EFCAB6: variants seen among roughly 807,000 people sequenced by gnomAD.
EFCAB6 encodes the protein EF-hand calcium-binding domain-containing protein 6.
Under a neutral mutation model 169.8 loss-of-function variants are expected in EFCAB6, and 156 were observed. The observed-to-expected ratio is 0.92, with a 90% CI of 0.81 to 1.05. EFCAB6 has a LOEUF of 1.05. Among genes scored for constraint, EFCAB6 ranks in the 50% least tolerant of loss-of-function variants. EFCAB6 has a pLI of 0.00. For synonymous variants in EFCAB6, 698 were observed against 676.4 expected (o/e 1.03, Z -0.50); for missense variants, 1,800 against 1,829.1 (o/e 0.98, Z 0.29).
rs771812363 is a variant in EFCAB6 at position 43,765,340 on chromosome 22, A to C, written c.405T>G (p.Phe135Leu). The change falls in exon 5 of 32, where the codon TTT becomes TTG. Residue 135 changes from phenylalanine (F) to leucine (L), a missense_variant. By Grantham distance (22) the Phe-to-Leu change is conservative. Transcript: ENST00000262726. ...TVPYLAFLSR[F>L]GGIDLYINGI... ...CATTTATATATAGGTCAATTCCACCAAACCTGGACAGAAAGGCAAGGTACG... is the reference window on the plus strand; with the variant it reads ...CATTTATATATAGGTCAATTCCACCCAACCTGGACAGAAAGGCAAGGTACG... The C allele has an allele frequency of 6.2e-7, 1 of 1,612,778 alleles. No individual in the cohort carries two copies. The highest frequency in any genetic ancestry group is 1.3e-5 in the African/African-American group (1 of 74,860).
chr22:43,635,653 C>T (rs1478360856), intron 17 of EFCAB6, among the ~76,000 whole-genome samples: 1 of 152,166 alleles, frequency 6.6e-6, no homozygotes, highest in Non-Finnish European at 1.5e-5. Flanking sequence ...TCATTATGCT[C>T]CCAGTTTACA....
intron 19 of EFCAB6, among the ~76,000 whole-genome samples, chr22:43,630,326 A>G (rs1376732789): frequency 1.3e-5 from 2 of 152,220 alleles, no homozygotes; most frequent in African/African-American, 4.8e-5. Flanking sequence ...ACTAGTTGAT[A>G]AATTCTCTGG....
intron 4 of EFCAB6, among the ~76,000 whole-genome samples, chr22:43,767,191 C>T (rs769300315): frequency 6.6e-6 from 1 of 152,168 alleles, no homozygotes; most frequent in South Asian, 2.1e-4. Context: ...CCTTAAAATG[C>T]CGGCCTCAAA....
chr22:43,606,093 T>C (rs2052899762), intron 22 of EFCAB6, among the ~76,000 whole-genome samples: 1 of 152,184 alleles, frequency 6.6e-6, no homozygotes, highest in Non-Finnish European at 1.5e-5. Context: ...AGTAGAGGAA[T>C]TACCAGCCCA....
intron 2 of EFCAB6, among the ~76,000 whole-genome samples, chr22:43,789,813 C>A (rs1248408907): frequency 6.7e-6 from 1 of 148,444 alleles, no homozygotes; most frequent in Non-Finnish European, 1.5e-5. Flanking sequence ...AAGTTTACAG[C>A]ATAATTGTCT....
In EFCAB6 at chr22:43,588,191, C is replaced by T. The variant is rs1001141913; in HGVS notation, c.3032+1883G>A. ...TACATTTCAATCCAAAGTCAACAAGCTCCACCTATCTGTGTAGAACTTCTA... is the reference window on the plus strand; with the variant it reads ...TACATTTCAATCCAAAGTCAACAAGTTCCACCTATCTGTGTAGAACTTCTA... On this transcript the variant is annotated intron_variant, in intron 24 of 31. Coordinates refer to ENST00000262726, the MANE Select transcript of EFCAB6 (RefSeq NM_022785.4). Among the ~76,000 whole-genome samples, 14 of 152,348 alleles carry T rather than the reference C, an allele frequency of 9.2e-5. No individual in the cohort carries two copies. In the East Asian group the frequency reaches 2.3e-3, roughly 25 times the overall value.
chr22:43,629,376 T>C (rs902404808), intron 19 of EFCAB6, among the ~76,000 whole-genome samples: 1 of 152,136 alleles, frequency 6.6e-6, no homozygotes, highest in Non-Finnish European at 1.5e-5. Context: ...ACCCTCAGGG[T>C]ATCCAGCATA....
chr22:43,549,940 G>T (rs995097822), intron 27 of EFCAB6, among the ~76,000 whole-genome samples: 10 of 152,312 alleles, frequency 6.6e-5, no homozygotes, highest in African/African-American at 2.2e-4. Context: ...TACAGGAAAA[G>T]CATTGGATAA....
At chr22:43,811,089 G>A (rs2063098830) in intron 1 of EFCAB6, among the ~76,000 whole-genome samples, 1 of 151,952 alleles carries the variant, frequency 6.6e-6, no homozygotes, top group South Asian at 2.1e-4. Flanking sequence ...AAACCAACCT[G>A]GCCAACATGG....
intron 23 of EFCAB6, among the ~76,000 whole-genome samples, chr22:43,594,548 A>G (rs2051849524): frequency 6.6e-6 from 1 of 152,218 alleles, no homozygotes; most frequent in Non-Finnish European, 1.5e-5. Flanking sequence ...CCTGAAGGTC[A>G]TTATTAATAT....
intron 2 of EFCAB6, among the ~76,000 whole-genome samples, chr22:43,783,814 T>C (rs2061913719): frequency 1.3e-5 from 2 of 152,144 alleles, no homozygotes; most frequent in South Asian, 4.1e-4. Context: ...TCCCAGCATT[T>C]TGGGAGGCTG....
chr22:43,551,813 C>G (rs1158704729), intron 27 of EFCAB6: 1 of 151,404 alleles, frequency 6.6e-6, no homozygotes, highest in African/African-American at 2.4e-5. Context: ...CTAACTCCAT[C>G]CATGTCCCTT....
rs147374136 is a variant in EFCAB6, at chr22:43,731,663, T to C, written c.757+36A>G. The C allele has an allele frequency of 2.5e-4, 327 of 1,306,286 alleles. 2 individuals are homozygous for C. Among genetic ancestry groups the C allele is most frequent in the African/African-American group, 2.4e-3 (160 of 67,026 alleles). 80.9% of individuals were successfully genotyped at this position (1,306,286 alleles called of 1,614,324 possible). A position where few individuals can be genotyped will look rare whatever the true frequency, so the allele number is the denominator to read the frequency against. On this transcript the variant is annotated intron_variant, in intron 8 of 31. Transcript: ENST00000262726. ...ACAGGAATTACCATGCCAAAAGATA[T>C]TGAAATCTTTAGCTATATACTTTAA...
intron 17 of EFCAB6, among the ~76,000 whole-genome samples, chr22:43,637,825 G>A (rs972287641): frequency 1.3e-5 from 2 of 152,226 alleles, no homozygotes; most frequent in African/African-American, 4.8e-5. Context: ...ACACAGCCGC[G>A]GTGAGCCTCT....
intron 27 of EFCAB6, among the ~76,000 whole-genome samples, chr22:43,548,863 G>A (rs2048229431): frequency 6.6e-6 from 1 of 151,772 alleles, no homozygotes; most frequent in Non-Finnish European, 1.5e-5. Flanking sequence ...ATCCACAAAT[G>A]GAACATTTAT....
chr22:43,621,577 C>T (rs1407019398), intron 20 of EFCAB6, among the ~76,000 whole-genome samples: 3 of 151,994 alleles, frequency 2.0e-5, no homozygotes, highest in African/African-American at 7.2e-5. Flanking sequence ...AAATACATTA[C>T]ATTAACGGCT....
In EFCAB6 at chr22:43,557,458, A is replaced by T. The variant is rs1048888740; in HGVS notation, c.3421-2362T>A. Among the ~76,000 whole-genome samples the T allele has an allele frequency of 4.9e-4, 75 of 152,368 alleles. 2 individuals are homozygous for T. Among genetic ancestry groups the T allele is most frequent in the Admixed American group, 2.7e-3 (42 of 15,298 alleles). ...AAAGATTCAATTTAAATTGAATTAG[A>T]AAAGAAAGTATTTAAAGTATTAGAA... is the stretch of plus-strand genomic sequence containing the variant. On this transcript the variant is annotated intron_variant, in intron 26 of 31. Transcript: ENST00000262726.
chr22:43,679,493 C>A (rs1889731445), intron 12 of EFCAB6, among the ~76,000 whole-genome samples: 1 of 152,132 alleles, frequency 6.6e-6, no homozygotes, highest in Non-Finnish European at 1.5e-5. Context: ...TTCTCTTGGG[C>A]AGATACTTAG....
Position 43,769,065 on chromosome 22 carries a change from T to G in EFCAB6, c.352-3672A>C, listed in dbSNP as rs187883151. ...CACATGAATGTTCACAGCAGTGCTA[T>G]TCACAAAAGTCAAAACGTGGAAACA... On this transcript the variant is annotated intron_variant, in intron 4 of 31. Transcript: ENST00000262726. Among the ~76,000 whole-genome samples the G allele has an allele frequency of 4.6e-5, 7 of 152,348 alleles. No homozygotes were observed. In the East Asian group the frequency reaches 9.6e-4, roughly 21 times the overall value.
Sources: allele counts gnomAD v4.1 joint callset (sites outside exome capture counted in the v4.1 genomes callset), GRCh38; gene constraint gnomAD v4.1.1; transcripts MANE v1.5; gene names NCBI Gene and HGNC (gene_info 2026-07-23, HGNC 2026-07-21).